The following PCSK5 variants were observed in gnomAD, a reference collection of about 807,000 sequenced individuals.
PCSK5 encodes prohormone convertase 5.
Under a neutral mutation model 233.2 loss-of-function variants are expected in PCSK5, and 129 were observed. That is an observed-to-expected ratio of 0.55 (90% confidence interval 0.48 to 0.64). PCSK5 has a LOEUF of 0.64. PCSK5 is among the 30% of genes least tolerant of loss of function. The pLI is 0.00. For missense variants in PCSK5, 2,076 were observed against 2,430.1 expected (o/e 0.85, Z 3.06); for synonymous variants, 825 against 879.2 (o/e 0.94, Z 1.09).
At chr9:76,219,897 A>G (rs1223745202) in intron 20 of PCSK5, among the ~76,000 whole-genome samples, 1 of 152,236 alleles carries the variant, frequency 6.6e-6, no homozygotes, top group East Asian at 1.9e-4. Flanking sequence ...AACATGTATT[A>G]AAACTTAGAT....
chr9:76,286,131 C>G (rs982866487), intron 24 of PCSK5, among the ~76,000 whole-genome samples: 1 of 151,984 alleles, frequency 6.6e-6, no homozygotes, highest in Non-Finnish European at 1.5e-5. Flanking sequence ...GGTTTTTTTC[C>G]TGCAGGTCAT....
chr9:76,225,094 C>T lies in PCSK5; in HGVS notation c.2627-2409C>T, dbSNP rs1587777860. Among the ~76,000 whole-genome samples the T allele has an allele frequency of 2.0e-5, 3 of 152,170 alleles. No homozygotes were observed. The East Asian group carries it at 5.8e-4, about 29-fold the overall frequency. Reference sequence around the variant, plus strand: ...TGTCAAGGCAAAGTAATTGTCTTTGCCTCTGGGTCTAGCAGAGTCCTGTGT... The same window carrying T: ...TGTCAAGGCAAAGTAATTGTCTTTGTCTCTGGGTCTAGCAGAGTCCTGTGT... On this transcript the variant is annotated intron_variant, in intron 20 of 37. Coordinates refer to ENST00000674117, the MANE Select transcript of PCSK5 (RefSeq NM_001372043.1).
In PCSK5 at chr9:75,890,773, C is replaced by G. The variant is rs1825556037; in HGVS notation, c.-409C>G. 3 of 172,574 alleles carry G rather than the reference C, an allele frequency of 1.7e-5. No homozygotes were observed. In the South Asian group the frequency reaches 5.8e-4, roughly 33 times the overall value. 10.7% of individuals were successfully genotyped at this position (172,574 alleles called of 1,614,324 possible). ...GGCCAGCAGAGGGGGCGCCCGGTCG[C>G]TGCCTGTACCGCTCCCGCTGGTCAT... On this transcript the variant is annotated 5_prime_UTR_variant, in exon 1 of 38. Coordinates refer to ENST00000674117, the MANE Select transcript of PCSK5 (RefSeq NM_001372043.1).
In PCSK5 at chr9:76,292,240, A is replaced by C; in HGVS notation, c.3150A>C (p.Pro1050=). The change falls in exon 25 of 38, where the codon CCA becomes CCC. Residue 1050 remains proline, a synonymous_variant. Coordinates refer to ENST00000674117, the MANE Select transcript of PCSK5 (RefSeq NM_001372043.1). ...EGCLGCSLDD[P]GTCTSCAMGY... is the part of the protein sequence containing the mutation. ...ATTATTTTTTTTTTCCAGATGATCC[A>C]GGAACATGTACATCTTGCGCTATGG... The C allele has an allele frequency of 1.3e-6, 2 of 1,567,378 alleles. No individual in the cohort carries two copies. Among genetic ancestry groups the C allele is most frequent in the Non-Finnish European group, 1.8e-6 (2 of 1,139,914 alleles).
chr9:76,158,858 C>T, intron 11 of PCSK5, 125 bp from the exon 12 acceptor site: 2 of 766,876 alleles, frequency 2.6e-6, no homozygotes, highest in Non-Finnish European at 4.3e-6. Context: ...GGTGATAGCA[C>T]TGTTGTTTAG....
chr9:75,938,322 CCAGT>C (rs1189679657), intron 2 of PCSK5, among the ~76,000 whole-genome samples: 1 of 152,052 alleles, frequency 6.6e-6, no homozygotes, highest in Non-Finnish European at 1.5e-5. Context: ...TGGTGAACAG[CCAGT>C]CAGTCTAGAG....
rs1425764091 is a variant in PCSK5 at position 76,308,691 on chromosome 9, C to A, written c.3651C>A (p.Cys1217Ter). 5.6e-6 allele frequency: 9 copies of A among 1,610,694 alleles called. No individual in the cohort carries two copies. Among genetic ancestry groups the A allele is most frequent in the Non-Finnish European group, 7.6e-6 (9 of 1,177,990 alleles). The change falls in exon 29 of 38, where the codon TGC (cysteine) becomes TGA (stop). Residue 1217 changes from cysteine (C) to a stop codon, truncating the protein, a stop_gained. Coordinates refer to ENST00000674117, the MANE Select transcript of PCSK5 (RefSeq NM_001372043.1). LOFTEE classifies it high-confidence loss of function. ...CTTGTCATTCTTCTTGTAAAACCTGCAATGGATCTGCAACTCTGTGCACTT... is the reference window on the plus strand; with the variant it reads ...CTTGTCATTCTTCTTGTAAAACCTGAAATGGATCTGCAACTCTGTGCACTT... ...LQPCHSSCKT[C>*]NGSATLCTSC...
rs760845143 is a variant in PCSK5, at chr9:76,350,878, G to A, written c.5017G>A (p.Gly1673Arg). ...CTGTGTGTGGAGTTACCACCTCATG[G>A]GAGGGATCTGCACCTCGGACTGTCT... is the stretch of plus-strand genomic sequence containing the variant. ...LSCVWSYHLM[G>R]GICTSDCLVG... Residue 1673 changes from glycine to arginine, a missense_variant, in exon 36 of 38, where the codon GGA becomes AGA. Physicochemically the swap from Gly to Arg is moderately radical, Grantham distance 125. Coordinates refer to ENST00000674117, the MANE Select transcript of PCSK5 (RefSeq NM_001372043.1). 5.0e-6 allele frequency: 8 copies of A among 1,610,272 alleles called. No individual in the cohort carries two copies. Among genetic ancestry groups the A allele is most frequent in the South Asian group, 3.3e-5 (3 of 90,718 alleles).
chr9:76,303,039 G>A (rs542852017), intron 28 of PCSK5, among the ~76,000 whole-genome samples: 4 of 119,082 alleles, frequency 3.4e-5, no homozygotes, highest in Admixed American at 2.7e-4. Context: ...CTATGATCAC[G>A]GTTAAAATTT....
At chr9:75,990,220 T>G (rs780347078) in intron 3 of PCSK5, among the ~76,000 whole-genome samples, 18 of 152,192 alleles carry the variant, frequency 1.2e-4, no homozygotes, top group Non-Finnish European at 2.5e-4. Flanking sequence ...CTGACCTCCG[T>G]AGGGTCCTGC....
At chr9:76,010,833 A>C (rs929007934) in intron 3 of PCSK5, among the ~76,000 whole-genome samples, 1 of 152,178 alleles carries the variant, frequency 6.6e-6, no homozygotes, top group African/African-American at 2.4e-5. Context: ...CTGCTACCCT[A>C]GTGTTGAATT....
chr9:76,148,072 T>A (rs2131789633), intron 10 of PCSK5, among the ~76,000 whole-genome samples: 1 of 152,118 alleles, frequency 6.6e-6, no homozygotes, highest in South Asian at 2.1e-4. Flanking sequence ...TTTGCAATCT[T>A]GTTTCTACTT....
At chr9:75,908,941 G>GTCTGTCTA (rs1412497396) in intron 1 of PCSK5, among the ~76,000 whole-genome samples, 1,741 of 116,638 alleles carry the variant, frequency 0.015, 33 homozygotes, top group African/African-American at 0.015. Flanking sequence ...CTCTCTCTCT[G>GTCTGTCTA]TCTATCTATC....
intron 8 of PCSK5, among the ~76,000 whole-genome samples, chr9:76,099,284 C>T (rs1831660401): frequency 6.6e-6 from 1 of 152,072 alleles, no homozygotes; most frequent in Non-Finnish European, 1.5e-5. Context: ...GATAAGCAAC[C>T]CTCATGGAGT....
intron 24 of PCSK5, chr9:76,286,536 G>C (rs1004468796): frequency 6.4e-6 from 1 of 155,646 alleles, no homozygotes; most frequent in Non-Finnish European, 1.4e-5. Context: ...CATCTCTGAG[G>C]GTCCTGAGAA....
chr9:76,227,280 C>T (rs960249019), intron 20 of PCSK5, among the ~76,000 whole-genome samples: 2 of 152,172 alleles, frequency 1.3e-5, no homozygotes, highest in African/African-American at 4.8e-5. Context: ...GTCATTGCCT[C>T]ATAACTTTTT....
At chr9:76,107,397 C>G in intron 9 of PCSK5, 46 bp downstream of exon 9, 1 of 1,299,908 alleles carries the variant, frequency 7.7e-7, no homozygotes, top group East Asian at 2.3e-5. Flanking sequence ...AACCCCTGAT[C>G]TCAGGGAAAA....
chr9:76,030,063 T>A (rs902848336), intron 5 of PCSK5, among the ~76,000 whole-genome samples: 1 of 151,970 alleles, frequency 6.6e-6, no homozygotes, highest in Non-Finnish European at 1.5e-5. Flanking sequence ...TTCACAGGAG[T>A]ATACTTTATT....
intron 3 of PCSK5, among the ~76,000 whole-genome samples, chr9:76,023,532 G>T (rs1314926290): frequency 6.6e-6 from 1 of 151,956 alleles, no homozygotes; most frequent in South Asian, 2.1e-4. Context: ...GGGCATGGTG[G>T]TGTGCCTTTG....
Sources: allele counts gnomAD v4.1 joint callset (sites outside exome capture counted in the v4.1 genomes callset), GRCh38; gene constraint gnomAD v4.1.1; transcripts MANE v1.5; gene names NCBI Gene and HGNC (gene_info 2026-07-23, HGNC 2026-07-21).